LDLRAD3: variants seen among roughly 807,000 people sequenced by gnomAD.
The protein encoded by LDLRAD3 is low-density lipoprotein receptor class A domain-containing protein 3.
LDLRAD3 carries 20 observed loss-of-function variants against 29.4 expected under a neutral mutation model. The observed-to-expected ratio is 0.68, with a 90% CI of 0.48 to 0.99. The LOEUF is 0.99. Ranked by LOEUF, LDLRAD3 falls within the 50% of genes least tolerant of loss-of-function variation. The probability of loss-of-function intolerance (pLI) is 0.00; values close to 1 mark genes in which losing one functional copy is unlikely to be tolerated. For synonymous variants in LDLRAD3, 157 were observed against 192.7 expected (o/e 0.81, Z 1.53); for missense variants, 420 against 454.3 (o/e 0.92, Z 0.69).
chr11:36,107,658 T>C (rs1365466105), intron 4 of LDLRAD3, among the ~76,000 whole-genome samples: 2 of 152,204 alleles, frequency 1.3e-5, no homozygotes. Context: ...TTGCCTACAG[T>C]GTTCAGTACA....
intron 1 of LDLRAD3, among the ~76,000 whole-genome samples, chr11:35,948,715 A>C (rs1018988354): frequency 2.6e-5 from 4 of 151,878 alleles, no homozygotes; most frequent in African/African-American, 9.7e-5. Context: ...TTGAGATAGG[A>C]TTCTTAGGGC....
chr11:35,958,251 A>G (rs1369150947), intron 1 of LDLRAD3, among the ~76,000 whole-genome samples: 5 of 152,210 alleles, frequency 3.3e-5, no homozygotes, highest in African/African-American at 1.2e-4. Flanking sequence ...CAATAGTCCC[A>G]TGTGGCTGAT....
At chr11:35,946,623 C>CT (rs1020383797) in intron 1 of LDLRAD3, among the ~76,000 whole-genome samples, 22 of 152,132 alleles carry the variant, frequency 1.4e-4, no homozygotes, top group African/African-American at 5.3e-4. Flanking sequence ...GTGCGTATGG[C>CT]TTGAGACATT....
At chr11:35,949,459 A>G (rs1482337192) in intron 1 of LDLRAD3, among the ~76,000 whole-genome samples, 5 of 152,140 alleles carry the variant, frequency 3.3e-5, no homozygotes, top group Non-Finnish European at 7.4e-5. Flanking sequence ...TTCACAGAGT[A>G]GGTATTGTTC....
chr11:36,043,701 A>G (rs1223190530), intron 2 of LDLRAD3, among the ~76,000 whole-genome samples: 1 of 152,212 alleles, frequency 6.6e-6, no homozygotes, highest in Non-Finnish European at 1.5e-5. Flanking sequence ...AAGGAGTGCC[A>G]AGGATTGGCT....
intron 4 of LDLRAD3, among the ~76,000 whole-genome samples, chr11:36,199,517 A>G (rs1008989611): frequency 2.6e-5 from 4 of 151,976 alleles, no homozygotes; most frequent in Admixed American, 6.6e-5. Context: ...ACATCTCTCA[A>G]TGAGGGTCCC....
chr11:36,124,556 T>C (rs1261924161), intron 4 of LDLRAD3, among the ~76,000 whole-genome samples: 1 of 152,006 alleles, frequency 6.6e-6, no homozygotes, highest in African/African-American at 2.4e-5. Context: ...TTTTGGGAGT[T>C]TTTTCACTGC....
chr11:36,206,713 T>A (rs1268737502), intron 4 of LDLRAD3, among the ~76,000 whole-genome samples: 1 of 145,518 alleles, frequency 6.9e-6, no homozygotes, highest in Admixed American at 7.3e-5. Context: ...CTAGCAAGAC[T>A]TGTTGATTTT....
intron 1 of LDLRAD3, among the ~76,000 whole-genome samples, chr11:35,956,561 A>G (rs1462932573): frequency 1.3e-5 from 2 of 152,334 alleles, no homozygotes; most frequent in South Asian, 2.1e-4. Flanking sequence ...TACAGGCTTT[A>G]GAGTGAGTCA....
At chr11:35,962,309 G>A (rs1478900006) in intron 1 of LDLRAD3, among the ~76,000 whole-genome samples, 1 of 149,848 alleles carries the variant, frequency 6.7e-6, no homozygotes, top group Non-Finnish European at 1.5e-5. Context: ...TGCTAAGTGA[G>A]ATTCTGGAAG....
intron 4 of LDLRAD3, among the ~76,000 whole-genome samples, chr11:36,175,512 C>T (rs1428650907): frequency 1.3e-5 from 2 of 152,098 alleles, no homozygotes; most frequent in East Asian, 3.8e-4. Flanking sequence ...GGTTGTATCA[C>T]TATTATTGTT....
intron 4 of LDLRAD3, among the ~76,000 whole-genome samples, chr11:36,120,525 G>GA (rs1329215575): frequency 8.0e-5 from 12 of 150,448 alleles, no homozygotes; most frequent in South Asian, 2.1e-4. Context: ...AAAGGAATTT[G>GA]AAAAAAAAAG....
intron 2 of LDLRAD3, among the ~76,000 whole-genome samples, chr11:36,046,719 A>G (rs1400049359): frequency 6.6e-6 from 1 of 152,150 alleles, no homozygotes; most frequent in East Asian, 1.9e-4. Context: ...CTACCACCAG[A>G]GGAGGCCTTT....
intron 4 of LDLRAD3, among the ~76,000 whole-genome samples, chr11:36,195,021 A>C (rs927978012): frequency 1.1e-4 from 16 of 152,158 alleles, no homozygotes; most frequent in African/African-American, 3.9e-4. Flanking sequence ...ACCTCTCTGT[A>C]CCTCAGTCTT....
At chr11:35,957,795 CA>C (rs1177748172) in intron 1 of LDLRAD3, among the ~76,000 whole-genome samples, 1,404 of 79,248 alleles carry the variant, frequency 0.018, 10 homozygotes, top group Middle Eastern at 0.053. Context: ...GACCTTATCT[CA>C]AAAAAAAAAA....
intron 4 of LDLRAD3, among the ~76,000 whole-genome samples, chr11:36,133,832 C>T (rs545600075): frequency 7.9e-5 from 12 of 152,026 alleles, no homozygotes; most frequent in South Asian, 4.1e-4. Context: ...CCACCGCGCC[C>T]GGCCCATTTT....
chr11:36,005,161 C>T (rs1422543127), intron 1 of LDLRAD3, among the ~76,000 whole-genome samples: 1 of 152,250 alleles, frequency 6.6e-6, no homozygotes, highest in African/African-American at 2.4e-5. Flanking sequence ...TTTTCTACCA[C>T]ATGGCCGGGC....
intron 1 of LDLRAD3, among the ~76,000 whole-genome samples, chr11:35,971,029 C>T (rs886735800): frequency 6.6e-6 from 1 of 152,178 alleles, no homozygotes; most frequent in African/African-American, 2.4e-5. Context: ...ATCAAGGACC[C>T]AGCCCATTCT....
intron 2 of LDLRAD3, among the ~76,000 whole-genome samples, chr11:36,076,226 A>G (rs11033402): frequency 0.084 from 8,121 of 96,188 alleles, 251 homozygotes; most frequent in Non-Finnish European, 0.11. Flanking sequence ...CCATCCGTCC[A>G]TCCATCCATC....
Sources: gnomAD v4.1 joint callset for allele counts (sites outside exome capture counted in the v4.1 genomes callset) on GRCh38, gnomAD v4.1.1 for gene constraint, MANE v1.5 for transcripts, NCBI Gene and HGNC (gene_info 2026-07-23, HGNC 2026-07-21) for gene names.